The following ANKEF1 variants were observed in gnomAD, a reference collection of about 807,000 sequenced individuals.
ANKEF1 encodes ankyrin repeat and EF-hand domain containing 1, also known as ankyrin repeat and EF-hand domain-containing protein 1.
Under a neutral mutation model 65.1 loss-of-function variants are expected in ANKEF1, and 43 were observed. The ratio of observed to expected loss-of-function variants is 0.66; its 90% CI spans 0.52 to 0.85. The LOEUF (loss-of-function observed/expected upper bound fraction) is 0.85, where lower values mean the gene tolerates loss of function less well. ANKEF1 is among the 40% of genes least tolerant of loss of function. The pLI, the probability that ANKEF1 is intolerant of heterozygous loss-of-function variation, is 0.00. For missense variants in ANKEF1, 934 were observed against 952.9 expected (o/e 0.98, Z 0.26); for synonymous variants, 316 against 341.5 (o/e 0.93, Z 0.82).
chr20:10,043,164 G>A lies in ANKEF1; in HGVS notation c.389G>A (p.Arg130His), dbSNP rs1056528269. The A allele has an allele frequency of 1.4e-5, 22 of 1,613,932 alleles. No individual in the cohort carries two copies. Among genetic ancestry groups the A allele is most frequent in the African/African-American group, 8.0e-5 (6 of 74,892 alleles). ...ATTTTACCGACTAAGCGGCATTATC[G>A]CTGTGCTCTGATCGCCCTTGAACAT... is the stretch of plus-strand genomic sequence containing the variant. ...YCILPTKRHYRCALIALEHGA... is the reference protein window; with the variant it reads ...YCILPTKRHYHCALIALEHGA... Residue 130 changes from arginine to histidine, a missense_variant, in exon 4 of 11, where the codon CGC becomes CAC. Physicochemically the swap from Arg to His is conservative, Grantham distance 29. Coordinates refer to ENST00000378392, the MANE Select transcript of ANKEF1 (RefSeq NM_022096.6).
intron 3 of ANKEF1, among the ~76,000 whole-genome samples, chr20:10,041,354 G>A (rs973460072): frequency 6.6e-6 from 1 of 151,040 alleles, no homozygotes; most frequent in Non-Finnish European, 1.5e-5. Flanking sequence ...CCTTAAACCT[G>A]TTTATTGAGT....
At chr20:10,044,920 G>T (rs1281755654) in intron 5 of ANKEF1, among the ~76,000 whole-genome samples, 1 of 152,038 alleles carries the variant, frequency 6.6e-6, no homozygotes, top group Non-Finnish European at 1.5e-5. Context: ...TATCTCCATG[G>T]TGTTTGTGTG....
Position 10,038,617 on chromosome 20 carries a change from GA to G in ANKEF1, c.317del (p.Asp106ValfsTer2). On this transcript the variant is annotated frameshift_variant, in exon 3 of 11. Transcript: ENST00000378392. LOFTEE classifies it high-confidence loss of function. ...SMEILAKAKA[D>X]MTIVDNEGKG... ...GGAAATATTAGCAAAGGCAAAGGCT[GA>G]TATGACTATAGTTGATAATGAAGGA... The G allele has an allele frequency of 1.2e-6, 2 of 1,612,426 alleles. No homozygotes were observed. Among genetic ancestry groups the G allele is most frequent in the Non-Finnish European group, 8.5e-7 (1 of 1,178,740 alleles).
chr20:10,055,103 C>T (rs1027964091), intron 10 of ANKEF1, among the ~76,000 whole-genome samples: 1 of 152,156 alleles, frequency 6.6e-6, no homozygotes, highest in Non-Finnish European at 1.5e-5. Context: ...CAGCTCCCCT[C>T]GCCTTCTATT....
chr20:10,035,869 G>T (rs1237292493), intron 2 of ANKEF1, among the ~76,000 whole-genome samples: 1 of 152,138 alleles, frequency 6.6e-6, no homozygotes, highest in African/African-American at 2.4e-5. Context: ...TAATTTCCGA[G>T]TATTCAGACC....
chr20:10,044,656 C>T, intron 5 of ANKEF1, 113 bp downstream of exon 5: 2 of 961,400 alleles, frequency 2.1e-6, no homozygotes, highest in South Asian at 5.9e-5. Context: ...TTCTGAGTTA[C>T]CTATGTTGTT....
chr20:10,056,473 TA>T lies in ANKEF1; in HGVS notation c.*814del, dbSNP rs1568519908. 1.2e-4 allele frequency: 18 copies of T among 145,098 alleles called. No individual in the cohort carries two copies. Among genetic ancestry groups the T allele is most frequent in the African/African-American group, 4.7e-4 (18 of 38,432 alleles). The allele number at this position is 145,098 out of a possible 1,614,324, so 9.0% of individuals were successfully genotyped here. ...GACAGATATATAGATGATAGATAGA[TA>T]GATGATAGATAGATAGATAGATGAT... On this transcript the variant is annotated 3_prime_UTR_variant, in exon 11 of 11. Coordinates refer to ENST00000378392, the MANE Select transcript of ANKEF1 (RefSeq NM_022096.6).
At position 10,054,576 on chromosome 20, in the gene ANKEF1, G is replaced by A. The variant is rs1985042681; in HGVS notation, c.2149G>A (p.Asp717Asn). 1 of 1,608,212 alleles carries A rather than the reference G, an allele frequency of 6.2e-7. No homozygotes were observed. The highest frequency in any genetic ancestry group is 8.5e-7 in the Non-Finnish European group (1 of 1,177,950). Reference protein sequence around the residue: ...LITSGYTKKVDITFIPRRIWS... With the variant: ...LITSGYTKKVNITFIPRRIWS... ...TACCAGTGGTTATACTAAGAAAGTG[G>A]ATATCACATTTATTCCACGGAGGGT... The change falls in exon 10 of 11, where the codon GAT becomes AAT. Residue 717 changes from aspartate to asparagine, a missense_variant. Coordinates refer to ENST00000378392, the MANE Select transcript of ANKEF1 (RefSeq NM_022096.6).
At chr20:10,052,247 ATACT>A (rs1423634397) in intron 8 of ANKEF1, among the ~76,000 whole-genome samples, 1 of 152,170 alleles carries the variant, frequency 6.6e-6, no homozygotes, top group Non-Finnish European at 1.5e-5. Context: ...ACATTTATAA[ATACT>A]TAGTTTCTGT....
intron 6 of ANKEF1, among the ~76,000 whole-genome samples, chr20:10,047,984 G>A (rs1190358614): frequency 6.6e-6 from 1 of 152,158 alleles, no homozygotes; most frequent in African/African-American, 2.4e-5. Flanking sequence ...GAAGAGGCTT[G>A]AGAGGTGGGA....
intron 8 of ANKEF1, among the ~76,000 whole-genome samples, chr20:10,052,571 G>A (rs991080557): frequency 2.0e-5 from 3 of 152,156 alleles, no homozygotes; most frequent in African/African-American, 7.2e-5. Context: ...TCCTTTGACT[G>A]AGGAGCATCA....
chr20:10,043,978 T>G (rs1984358566), intron 4 of ANKEF1, among the ~76,000 whole-genome samples: 1 of 152,078 alleles, frequency 6.6e-6, no homozygotes, highest in Non-Finnish European at 1.5e-5. Flanking sequence ...ATCAATTTCG[T>G]TCACTCTCCT....
chr20:10,044,320 T>C, intron 4 of ANKEF1, 74 bp from the exon 5 acceptor site: 1 of 1,465,654 alleles, frequency 6.8e-7, no homozygotes, highest in Non-Finnish European at 9.2e-7. Flanking sequence ...GGATTCAGAC[T>C]GTATTTGTAC....
At position 10,045,611 on chromosome 20, in the gene ANKEF1, G is replaced by A. The variant is rs1182400260; in HGVS notation, c.734G>A (p.Gly245Glu). 4.3e-6 allele frequency: 7 copies of A among 1,613,606 alleles called. No homozygotes were observed. The highest frequency in any genetic ancestry group is 5.9e-6 in the Non-Finnish European group (7 of 1,179,802). The change falls in exon 6 of 11, where the codon GGG becomes GAG. Residue 245 changes from glycine (G) to glutamate (E), a missense_variant. Transcript: ENST00000378392. Reference sequence around the variant, plus strand: ...CTTTTTGCCTACAATGGAGACGTGGGGCTGATTTCGATAAATGGGAACACA... The same window carrying A: ...CTTTTTGCCTACAATGGAGACGTGGAGCTGATTTCGATAAATGGGAACACA... ...KLLFAYNGDVGLISINGNTPL... is the reference protein window; with the variant it reads ...KLLFAYNGDVELISINGNTPL...
rs1013646578 is a variant in ANKEF1, at chr20:10,038,328, G to T, written c.27G>T (p.Glu9Asp). Residue 9 changes from glutamate to aspartate, a missense_variant, in exon 3 of 11, where the codon GAG becomes GAT. Glu to Asp is a conservative substitution (Grantham distance 45). Coordinates refer to ENST00000378392, the MANE Select transcript of ANKEF1 (RefSeq NM_022096.6). MALADKRL[E>D]NLQIYKVLQC... ...TGGCTTTAGCAGATAAGAGACTTGA[G>T]AACTTACAGATCTACAAAGTTCTTC... 1 of 1,574,258 alleles carries T rather than the reference G, an allele frequency of 6.4e-7. No homozygotes were observed.
In ANKEF1 at chr20:10,042,652, C is replaced by G. The variant is rs150822849; in HGVS notation, c.347-470C>G. ...ATTAGCCACTTGGCATCTAATTCAC[C>G]TCTTTACTGCTATACCGACAGCCTG... On this transcript the variant is annotated intron_variant, in intron 3 of 10. Transcript: ENST00000378392. 7.0e-3 allele frequency among the ~76,000 whole-genome samples: 1,067 copies of G among 152,328 alleles called. 53 individuals carry two copies. Among genetic ancestry groups the G allele is most frequent in the Admixed American group, 0.063 (968 of 15,306 alleles).
chr20:10,036,329 T>C (rs553031940), intron 2 of ANKEF1, among the ~76,000 whole-genome samples: 1 of 151,854 alleles, frequency 6.6e-6, no homozygotes, highest in South Asian at 2.1e-4. Flanking sequence ...AGTCTAATCA[T>C]TACCTATGTA....
Position 10,055,560 on chromosome 20 carries a change from A to C in ANKEF1, c.2231A>C (p.Glu744Ala), listed in dbSNP as rs372963125. The C allele has an allele frequency of 3.1e-6, 5 of 1,613,702 alleles. No homozygotes were observed. In the African/African-American group the frequency reaches 6.7e-5, roughly 22 times the overall value. ...ELIRKRELRRERFTHEVDFDD... is the reference protein window; with the variant it reads ...ELIRKRELRRARFTHEVDFDD... ...ATCAGGAAGAGGGAACTACGGCGAG[A>C]GAGGTTTACACATGAGGTGGACTTC... The change falls in exon 11 of 11, where the codon GAG (glutamate) becomes GCG (alanine). Residue 744 changes from glutamate (E) to alanine (A), a missense_variant. Transcript: ENST00000378392.
Position 10,055,616 on chromosome 20 carries a change from A to G in ANKEF1, c.2287A>G (p.Ile763Val). The G allele has an allele frequency of 2.5e-6, 4 of 1,613,864 alleles. No individual in the cohort carries two copies. Among genetic ancestry groups the G allele is most frequent in the Non-Finnish European group, 3.4e-6 (4 of 1,179,824 alleles). The change falls in exon 11 of 11, where the codon ATC (isoleucine) becomes GTC (valine). Residue 763 changes from isoleucine (I) to valine (V), a missense_variant. Physicochemically the swap from Ile to Val is conservative, Grantham distance 29. Transcript: ENST00000378392. ...TTTTATGATGCCTTTTCAGAAGAACATCACAGAGAAAGCTCGAGCACTGGA... is the reference window on the plus strand; with the variant it reads ...TTTTATGATGCCTTTTCAGAAGAACGTCACAGAGAAAGCTCGAGCACTGGA... ...DDFMMPFQKNITEKARALEAA... is the reference protein window; with the variant it reads ...DDFMMPFQKNVTEKARALEAA...
Sources: gnomAD v4.1 joint callset for allele counts (sites outside exome capture counted in the v4.1 genomes callset) on GRCh38, gnomAD v4.1.1 for gene constraint, MANE v1.5 for transcripts, NCBI Gene and HGNC (gene_info 2026-07-23, HGNC 2026-07-21) for gene names.